The following TP53BP2 variants were observed in gnomAD, a reference collection of about 807,000 sequenced individuals.
The protein encoded by TP53BP2 is tumor protein p53 binding protein 2, also known as apoptosis-stimulating of p53 protein 2.
Under a neutral mutation model 126.2 loss-of-function variants are expected in TP53BP2, and 62 were observed. The ratio of observed to expected loss-of-function variants is 0.49; its 90% CI spans 0.40 to 0.61. The LOEUF (loss-of-function observed/expected upper bound fraction) is 0.61. Ranked by LOEUF, TP53BP2 falls within the 20% of genes least tolerant of loss-of-function variation. The pLI is 0.00. For missense variants in TP53BP2, 1,215 were observed against 1,402.8 expected (o/e 0.87, Z 2.14); for synonymous variants, 485 against 502.9 (o/e 0.96, Z 0.48).
At chr1:223,842,675 C>CT (rs1664141992) in intron 1 of TP53BP2, among the ~76,000 whole-genome samples, 1 of 152,186 alleles carries the variant, frequency 6.6e-6, no homozygotes, top group Admixed American at 6.5e-5. Flanking sequence ...CAAGCTCTTT[C>CT]TTAAGAACAC....
In TP53BP2 at chr1:223,789,132, C is replaced by G. The variant is rs765398643; in HGVS notation, c.3039G>C (p.Val1013=). The G allele has an allele frequency of 1.9e-6, 3 of 1,614,212 alleles. No homozygotes were observed. The highest frequency in any genetic ancestry group is 2.2e-5 in the East Asian group (1 of 44,888). Residue 1013 remains valine, a synonymous_variant, in exon 16 of 18, where the codon GTG becomes GTC. Transcript: ENST00000343537. ...CTCCTGACTCCACCAAAAACTTACACACTTGGACGTTGTTACATGAGGCAG... is the reference window on the plus strand; with the variant it reads ...CTCCTGACTCCACCAAAAACTTACAGACTTGGACGTTGTTACATGAGGCAG... The part of the protein sequence containing the change: ...HCAASCNNVQ[V]CKFLVESGAA...
In TP53BP2 at chr1:223,780,636, A is replaced by G. The variant is rs748032956; in HGVS notation, c.*217T>C. 1.0e-4 allele frequency: 58 copies of G among 569,898 alleles called. No homozygotes were observed. The African/African-American group carries it at 1.0e-3, about 10-fold the overall frequency. 35.3% of individuals were successfully genotyped at this position (569,898 alleles called of 1,614,324 possible). ...ACACGGGACACCTTTGCCCCAACAC[A>G]GTATGGCCTGCTGACGTAGATGCTT... On this transcript the variant is annotated 3_prime_UTR_variant, in exon 18 of 18. Coordinates refer to ENST00000343537, the MANE Select transcript of TP53BP2 (RefSeq NM_001031685.3).
In TP53BP2 at chr1:223,802,235, G is replaced by C; in HGVS notation, c.1106C>G (p.Pro369Arg). The change falls in exon 9 of 18, where the codon CCT (proline) becomes CGT (arginine). Residue 369 changes from proline (P) to arginine (R), a missense_variant. Physicochemically the swap from Pro to Arg is moderately radical, Grantham distance 103 (BLOSUM62 -2). Around this residue, in one of 4 missense-constraint regions of TP53BP2, gnomAD observed 814 missense variants for 853.0 expected, o/e 0.95. Transcript: ENST00000343537. Reference protein sequence around the residue: ...SSTMPRMPSRPELLVKPALPD... With the variant: ...SSTMPRMPSRRELLVKPALPD... Reference sequence around the variant, plus strand: ...CAGGGCTGGCTTCACCAGCAATTCAGGCCTTGAGGGCATCCGAGGCATAGT... The same window carrying C: ...CAGGGCTGGCTTCACCAGCAATTCACGCCTTGAGGGCATCCGAGGCATAGT... 1 of 1,614,222 alleles carries C rather than the reference G, an allele frequency of 6.2e-7. No homozygotes were observed. Among genetic ancestry groups the C allele is most frequent in the Non-Finnish European group, 8.5e-7 (1 of 1,180,038 alleles).
At chr1:223,833,167 T>G (rs1186044259) in intron 1 of TP53BP2, among the ~76,000 whole-genome samples, 1 of 152,242 alleles carries the variant, frequency 6.6e-6, no homozygotes, top group African/African-American at 2.4e-5. Context: ...AAGTTATGTA[T>G]ACCGATGTTC....
At chr1:223,802,493 C>T (rs1361025441) in intron 8 of TP53BP2, 149 bp from the exon 9 acceptor site, 5 of 882,138 alleles carry the variant, frequency 5.7e-6, no homozygotes, top group Non-Finnish European at 8.5e-6. Context: ...AAAATAAACA[C>T]TCCCCAATGA....
intron 7 of TP53BP2, 126 bp downstream of exon 7, chr1:223,803,145 T>TC: frequency 8.3e-7 from 1 of 1,197,662 alleles, no homozygotes; most frequent in Non-Finnish European, 1.2e-6. Flanking sequence ...GAGTTTGGGT[T>TC]CCCCCCACAA....
intron 1 of TP53BP2, among the ~76,000 whole-genome samples, chr1:223,821,793 T>C (rs1006333954): frequency 3.2e-4 from 48 of 152,320 alleles, no homozygotes; most frequent in African/African-American, 1.1e-3. Context: ...TGTAACACGC[T>C]GCTTCTGAAG....
intron 9 of TP53BP2, 58 bp from the exon 10 acceptor site, chr1:223,800,868 T>C: frequency 8.0e-7 from 1 of 1,243,030 alleles, no homozygotes; most frequent in Non-Finnish European, 1.1e-6. Context: ...TTTTTAATGA[T>C]TTTTACTGCT....
intron 1 of TP53BP2, chr1:223,845,222 C>G: frequency 1.0e-6 from 1 of 984,842 alleles, no homozygotes; most frequent in Non-Finnish European, 1.2e-6. Flanking sequence ...CAATTAAAAA[C>G]AAAGCAAAGG....
At chr1:223,801,103 A>G (rs1251202200) in intron 9 of TP53BP2, among the ~76,000 whole-genome samples, 1 of 152,232 alleles carries the variant, frequency 6.6e-6, no homozygotes, top group East Asian at 1.9e-4. Context: ...ATACTTTCCA[A>G]TTCAAGAGAC....
At chr1:223,795,351 C>T (rs1662279916) in intron 13 of TP53BP2, among the ~76,000 whole-genome samples, 1 of 152,116 alleles carries the variant, frequency 6.6e-6, no homozygotes, top group Non-Finnish European at 1.5e-5. Flanking sequence ...CCAATTTTAC[C>T]ACTGTTGTAA....
intron 1 of TP53BP2, among the ~76,000 whole-genome samples, chr1:223,831,135 T>C (rs1663690187): frequency 6.7e-6 from 1 of 148,902 alleles, no homozygotes; most frequent in African/African-American, 2.5e-5. Context: ...GTAATCTCAG[T>C]ATTTTGGGAG....
chr1:223,812,244 A>C (rs1039906495), intron 3 of TP53BP2, among the ~76,000 whole-genome samples: 7 of 152,202 alleles, frequency 4.6e-5, no homozygotes, highest in African/African-American at 1.7e-4. Context: ...CCTAAGTATC[A>C]GCATTTCTCA....
chr1:223,784,742 C>T (rs1166657821), intron 16 of TP53BP2, among the ~76,000 whole-genome samples: 4 of 152,000 alleles, frequency 2.6e-5, no homozygotes, highest in Non-Finnish European at 5.9e-5. Flanking sequence ...CATTCTTTAC[C>T]CAAAATTCAG....
intron 8 of TP53BP2, 61 bp downstream of exon 8, chr1:223,802,670 C>T (rs1662568058): frequency 1.3e-6 from 2 of 1,580,670 alleles, no homozygotes; most frequent in South Asian, 1.1e-5. Flanking sequence ...TATGAGTAAC[C>T]TCACTGGGCT....
rs202154655 is a variant in TP53BP2, at chr1:223,810,434, G to A, written c.369C>T (p.Asn123=). The A allele has an allele frequency of 1.2e-3, 1,940 of 1,606,190 alleles. 1 individual carries two copies. The highest frequency in any genetic ancestry group is 1.5e-3 in the Non-Finnish European group (1,710 of 1,175,650). The part of the protein sequence containing the change: ...KVPGEYRRKE[N]GVNSPRMDLT... ...ATGGATAAAAACAACAACTTACACC[G>A]TTCTCCTTTCTTCGATATTCACCAG... The change falls in exon 4 of 18, where the codon AAC becomes AAT. Residue 123 remains asparagine (N), a synonymous_variant. Coordinates refer to ENST00000343537, the MANE Select transcript of TP53BP2 (RefSeq NM_001031685.3).
chr1:223,794,509 A>G (rs1351082896), intron 13 of TP53BP2, among the ~76,000 whole-genome samples: 1 of 152,206 alleles, frequency 6.6e-6, no homozygotes, highest in African/African-American at 2.4e-5. Flanking sequence ...AAGGTAAGAC[A>G]CCTTCCTAGG....
intron 1 of TP53BP2, among the ~76,000 whole-genome samples, chr1:223,825,033 AC>A: frequency 6.6e-6 from 1 of 151,408 alleles, no homozygotes; most frequent in South Asian, 2.1e-4. Flanking sequence ...CCAAACACAC[AC>A]ACACACACAC....
rs746251899 is a variant in TP53BP2, at chr1:223,798,316, T to C, written c.1847A>G (p.Tyr616Cys). ...CGCCTGCTGTTGCGTATACATGGAA[T>C]ATATTGAACTTGCTGCCACGGTCTG... ...KPQTVAASSI[Y>C]SMYTQQQAPG... is the part of the protein sequence containing the mutation. Residue 616 changes from tyrosine to cysteine, a missense_variant, in exon 12 of 18, where the codon TAT (tyrosine) becomes TGT (cysteine). This residue lies in a region of TP53BP2 where 814 missense variants were observed against 853.0 expected (regional missense o/e 0.95). Coordinates refer to ENST00000343537, the MANE Select transcript of TP53BP2 (RefSeq NM_001031685.3). 1.9e-6 allele frequency: 3 copies of C among 1,614,174 alleles called. No homozygotes were observed. Among genetic ancestry groups the C allele is most frequent in the Non-Finnish European group, 2.5e-6 (3 of 1,180,040 alleles).
Sources: gnomAD v4.1 joint callset for allele counts (sites outside exome capture counted in the v4.1 genomes callset) on GRCh38, gnomAD v4.1.1 for gene constraint, gnomAD v4.1.1 regional missense constraint, MANE v1.5 for transcripts, NCBI Gene and HGNC (gene_info 2026-07-23, HGNC 2026-07-21) for gene names.